The following USP9Y variants were observed in gnomAD, a reference collection of about 807,000 sequenced individuals.
USP9Y encodes the protein ubiquitin carboxyl-terminal hydrolase 9Y.
Under a neutral mutation model 53.1 loss-of-function variants are expected in USP9Y, and 41 were observed. The observed-to-expected ratio is 0.77, with a 90% CI of 0.60 to 1.00. The LOEUF is 1.00. USP9Y is among the 50% of genes least tolerant of loss of function. USP9Y has a pLI of 0.00. For missense variants in USP9Y, 567 were observed against 535.8 expected (o/e 1.06, Z -0.58); for synonymous variants, 220 against 173.7 (o/e 1.27, Z -2.09).
Position 12,856,434 on chromosome Y carries a change from C to T in USP9Y, c.7159C>T (p.Gln2387Ter). The T allele has an allele frequency of 2.5e-6, 1 of 398,057 alleles. No homozygotes were observed. Among genetic ancestry groups the T allele is most frequent in the Non-Finnish European group, 3.5e-6 (1 of 283,110 alleles). ...GAATCACTATCAAAAACGAGCATAT[C>T]AGTGCATAAAATGTATGGTAGCTCT... The part of the protein sequence containing the change: ...SKNHYQKRAY[Q>*]CIKCMVALFS... Residue 2387 changes from glutamine to a stop codon, truncating the protein, a stop_gained, in exon 43 of 46, where the codon CAG becomes TAG. Coordinates refer to ENST00000338981, the MANE Select transcript of USP9Y (RefSeq NM_004654.4). LOFTEE classifies it high-confidence loss of function.
intron 35 of USP9Y, among the ~76,000 whole-genome samples, chrY:12,838,253 G>C: frequency 3.0e-5 from 1 of 33,285 alleles, no homozygotes; most frequent in South Asian, 6.6e-4. Context: ...AGGAAAAACA[G>C]AACATTTTTA....
Position 12,739,571 on chromosome Y carries a change from C to A in USP9Y, c.1364C>A (p.Ala455Glu). 8 of 396,311 alleles carry A rather than the reference C, an allele frequency of 2.0e-5. No individual in the cohort carries two copies. Among genetic ancestry groups the A allele is most frequent in the Non-Finnish European group, 2.8e-5 (8 of 282,043 alleles). ...GTGAAGAATGTACATGATCTGCTAG[C>A]AAAGTTGGCTTGGGATTTTTCTCCT... is the stretch of plus-strand genomic sequence containing the variant. ...AIVKNVHDLL[A>E]KLAWDFSPGQ... Residue 455 changes from alanine to glutamate, a missense_variant, in exon 12 of 46, where the codon GCA becomes GAA. Transcript: ENST00000338981.
intron 42 of USP9Y, among the ~76,000 whole-genome samples, chrY:12,854,515 G>C: frequency 3.0e-5 from 1 of 33,710 alleles, no homozygotes; most frequent in South Asian, 6.6e-4. Context: ...TGATTCTCCT[G>C]CCTCAGCCTC....
intron 24 of USP9Y, among the ~76,000 whole-genome samples, chrY:12,787,621 A>T (rs767410637): frequency 6.0e-5 from 2 of 33,192 alleles, no homozygotes; most frequent in East Asian, 7.8e-4. Flanking sequence ...GTATTTGAGG[A>T]TGTATTATAT....
At chrY:12,796,388 C>A in intron 27 of USP9Y, among the ~76,000 whole-genome samples, 1 of 32,982 alleles carries the variant, frequency 3.0e-5, no homozygotes, top group Middle Eastern at 0.014. Flanking sequence ...CCTGGTGAAA[C>A]CCCATCTCTA....
chrY:12,718,594 A>G (rs764766290), intron 3 of USP9Y, among the ~76,000 whole-genome samples: 1 of 33,518 alleles, frequency 3.0e-5, no homozygotes, highest in Admixed American at 2.7e-4. Context: ...TAAGTCTTCC[A>G]TTTTCAGTTC....
chrY:12,729,290 G>A (rs2053445321), intron 7 of USP9Y, among the ~76,000 whole-genome samples: 1 of 33,866 alleles, frequency 3.0e-5, no homozygotes, highest in South Asian at 6.4e-4. Context: ...TTCTCTCTTC[G>A]CACAGCTTTT....
intron 24 of USP9Y, 86 bp downstream of exon 24, chrY:12,786,886 A>G: frequency 5.0e-6 from 1 of 201,840 alleles, no homozygotes; most frequent in Non-Finnish European, 7.4e-6. Context: ...AATTATTACT[A>G]TTTAATAAAT....
intron 12 of USP9Y, among the ~76,000 whole-genome samples, chrY:12,743,426 T>C: frequency 3.1e-5 from 1 of 31,844 alleles, no homozygotes; most frequent in African/African-American, 1.2e-4. Flanking sequence ...GCTAACTTTT[T>C]TGTATTTTTT....
At chrY:12,706,224 G>A (rs2053419218) in intron 1 of USP9Y, among the ~76,000 whole-genome samples, 1 of 33,200 alleles carries the variant, frequency 3.0e-5, no homozygotes, top group African/African-American at 1.2e-4. Context: ...TCCACAGAAA[G>A]CTTGCATATG....
At chrY:12,827,263 T>G in intron 33 of USP9Y, among the ~76,000 whole-genome samples, 2 of 33,047 alleles carry the variant, frequency 6.1e-5, no homozygotes, top group East Asian at 1.6e-3. Context: ...AACTGTTAGT[T>G]CACAGGGTAT....
intron 27 of USP9Y, among the ~76,000 whole-genome samples, chrY:12,801,249 G>A (rs1007334164): frequency 3.0e-5 from 1 of 33,508 alleles, no homozygotes; most frequent in Admixed American, 2.7e-4. Context: ...ATACCTAAAC[G>A]ATTCCATGAT....
rs551260663 is a variant in USP9Y, at chrY:12,819,373, T to G, written c.5021+763T>G. 5.6e-3 allele frequency among the ~76,000 whole-genome samples: 188 copies of G among 33,370 alleles called. No individual in the cohort carries two copies. The Middle Eastern group carries it at 0.23, about 41-fold the overall frequency. 89.5% of individuals were successfully genotyped at this position (33,370 alleles called of 37,273 possible). ...AATTACTTTATAATCTTGGGAAACA[T>G]GGCAAAACTTTGTCTCTACAAAAAA... On this transcript the variant is annotated intron_variant, in intron 33 of 45. Transcript: ENST00000338981.
At chrY:12,782,439 G>A (rs1053130803) in intron 22 of USP9Y, among the ~76,000 whole-genome samples, 1 of 33,649 alleles carries the variant, frequency 3.0e-5, no homozygotes, top group Non-Finnish European at 7.4e-5. Flanking sequence ...ATCTCCGTGA[G>A]AGCTCTTGGG....
chrY:12,847,480 C>CT (rs2053568019), intron 42 of USP9Y, among the ~76,000 whole-genome samples, 153 bp downstream of exon 42: 9 of 29,014 alleles, frequency 3.1e-4, no homozygotes, highest in African/African-American at 1.1e-3. Context: ...TACTTGCATT[C>CT]TTTTTTTTTT....
chrY:12,738,310 G>A lies in USP9Y; in HGVS notation c.1317+1G>A. On this transcript the variant is annotated splice_donor_variant, in intron 11 of 45. Coordinates refer to ENST00000338981, the MANE Select transcript of USP9Y (RefSeq NM_004654.4). LOFTEE classifies it high-confidence loss of function. ...CCTTGATAATATCTGGGCAGCACAGGTAAGAAAGTGAGATGATAGCTATTT... is the reference window on the plus strand; with the variant it reads ...CCTTGATAATATCTGGGCAGCACAGATAAGAAAGTGAGATGATAGCTATTT... The A allele has an allele frequency of 2.5e-6, 1 of 395,484 alleles. No homozygotes were observed. Among genetic ancestry groups the A allele is most frequent in the Non-Finnish European group, 3.5e-6 (1 of 282,298 alleles).
intron 7 of USP9Y, among the ~76,000 whole-genome samples, chrY:12,727,565 G>A (rs750228443): frequency 3.0e-5 from 1 of 33,031 alleles, no homozygotes; most frequent in Non-Finnish European, 7.5e-5. Flanking sequence ...TAATATTACT[G>A]TAGTGGCTAT....
intron 33 of USP9Y, among the ~76,000 whole-genome samples, chrY:12,830,611 GTA>G (rs2053550057): frequency 3.0e-5 from 1 of 33,432 alleles, no homozygotes; most frequent in African/African-American, 1.2e-4. Flanking sequence ...TAAAAGCCAT[GTA>G]TAAAAAACTC....
intron 25 of USP9Y, among the ~76,000 whole-genome samples, chrY:12,790,971 A>T (rs2148287069): frequency 3.0e-5 from 1 of 33,449 alleles, no homozygotes; most frequent in South Asian, 6.6e-4. Context: ...TCATGTTGTT[A>T]TATATGTGTG....
Sources: gnomAD v4.1 joint callset for allele counts (sites outside exome capture counted in the v4.1 genomes callset) on GRCh38, gnomAD v4.1.1 for gene constraint, MANE v1.5 for transcripts, NCBI Gene and HGNC (gene_info 2026-07-23, HGNC 2026-07-21) for gene names.